Variants in OSBPL10 observed in about 807,000 individuals in gnomAD.
The protein encoded by OSBPL10 is oxysterol-binding protein-related protein 10.
Under a neutral mutation model 81.7 loss-of-function variants are expected in OSBPL10, and 49 were observed. The observed-to-expected ratio is 0.60, with a 90% CI of 0.48 to 0.76. The LOEUF is 0.76. Ranked by LOEUF, OSBPL10 falls within the 30% of genes least tolerant of loss-of-function variation. The pLI, the probability that OSBPL10 is intolerant of heterozygous loss-of-function variation, is 0.00. For missense variants in OSBPL10, 923 were observed against 987.8 expected (o/e 0.93, Z 0.88); for synonymous variants, 419 against 383.6 (o/e 1.09, Z -1.08).
intron 6 of OSBPL10, among the ~76,000 whole-genome samples, chr3:31,728,297 G>A (rs559631213): frequency 7.9e-5 from 12 of 152,252 alleles, no homozygotes; most frequent in Admixed American, 2.0e-4. Context: ...GTCAACACAG[G>A]GGTTGATAGG....
intron 2 of OSBPL10, among the ~76,000 whole-genome samples, chr3:32,042,660 T>G (rs888968627): frequency 6.6e-6 from 1 of 151,908 alleles, no homozygotes. Context: ...TACAGCTGGG[T>G]CACCGGGGGT....
At chr3:31,767,342 C>G (rs1027061348) in intron 4 of OSBPL10, among the ~76,000 whole-genome samples, 14 of 152,182 alleles carry the variant, frequency 9.2e-5, no homozygotes, top group African/African-American at 1.9e-4. Flanking sequence ...TTGGAAAGTA[C>G]AGGATCTAAA....
chr3:32,010,442 T>C (rs192801544), intron 2 of OSBPL10, among the ~76,000 whole-genome samples: 1 of 152,132 alleles, frequency 6.6e-6, no homozygotes, highest in Admixed American at 6.5e-5. Flanking sequence ...TTTCAAGGAA[T>C]AAAAGTTAAA....
intron 4 of OSBPL10, among the ~76,000 whole-genome samples, chr3:31,803,584 TA>T (rs544065197): frequency 8.2e-4 from 125 of 152,326 alleles, no homozygotes; most frequent in African/African-American, 2.6e-3. Context: ...ACATCTTACA[TA>T]AAAGTAGTTA....
chr3:31,723,539 TAC>T (rs35189802), intron 6 of OSBPL10, among the ~76,000 whole-genome samples: 665 of 124,158 alleles, frequency 5.4e-3, no homozygotes, highest in Middle Eastern at 8.0e-3. Context: ...CTCTGTTTCT[TAC>T]ACACACACAC....
At chr3:31,698,939 G>GT (rs1456007964) in intron 7 of OSBPL10, among the ~76,000 whole-genome samples, 1 of 151,718 alleles carries the variant, frequency 6.6e-6, no homozygotes, top group Non-Finnish European at 1.5e-5. Context: ...TTTCTTGTCT[G>GT]TTTCCTTCCA....
chr3:31,677,719 G>A (rs903031596), intron 8 of OSBPL10, among the ~76,000 whole-genome samples: 4 of 152,138 alleles, frequency 2.6e-5, no homozygotes, highest in African/African-American at 9.7e-5. Context: ...GAGAAACAGA[G>A]GAGCTATGAT....
chr3:31,823,157 A>G (rs1471285454), intron 4 of OSBPL10, among the ~76,000 whole-genome samples: 1 of 152,220 alleles, frequency 6.6e-6, no homozygotes, highest in African/African-American at 2.4e-5. Context: ...ACATTAAATG[A>G]GTACCTGACA....
At chr3:31,879,091 CT>C (rs544093368) in intron 2 of OSBPL10, among the ~76,000 whole-genome samples, 1 of 151,922 alleles carries the variant, frequency 6.6e-6, no homozygotes, top group Non-Finnish European at 1.5e-5. Context: ...TATCCATTTT[CT>C]TTTTTTTCTT....
chr3:31,829,854 T>G (rs1037521490), intron 4 of OSBPL10, among the ~76,000 whole-genome samples, 186 bp downstream of exon 4: 2 of 152,204 alleles, frequency 1.3e-5, no homozygotes, highest in Non-Finnish European at 2.9e-5. Context: ...TCACTTAACC[T>G]AAGAAATAGG....
Position 31,990,873 on chromosome 3 carries a change from T to C in OSBPL10, n.298+55618A>G, listed in dbSNP as rs955468746. 7.0e-6 allele frequency: 11 copies of C among 1,576,850 alleles called. No individual in the cohort carries two copies. In the Admixed American group the frequency reaches 1.3e-4, roughly 19 times the overall value. ...GAGAGAAACATCACAAGTGTGATGA[T>C]TGTGGCAAAGCCTTTACTTCACATT... On this transcript the variant is annotated intron_variant and non_coding_transcript_variant, in intron 2 of 3. Coordinates refer to the OSBPL10 transcript ENST00000479173.
At chr3:31,955,158 G>A (rs1697971692) in intron 1 of OSBPL10, among the ~76,000 whole-genome samples, 1 of 152,066 alleles carries the variant, frequency 6.6e-6, no homozygotes, top group East Asian at 1.9e-4. Context: ...GAGCTGCTCA[G>A]ACAAAAGAAA....
chr3:31,666,560 ACTC>A (rs1700195094), intron 10 of OSBPL10, among the ~76,000 whole-genome samples: 1 of 151,832 alleles, frequency 6.6e-6, no homozygotes, highest in Admixed American at 6.6e-5. Flanking sequence ...CAGCCACTCC[ACTC>A]CTCAAGGCCG....
At position 31,980,956 on chromosome 3, in the gene OSBPL10, G is replaced by T; in HGVS notation, c.224C>A (p.Pro75Gln). The T allele has an allele frequency of 6.3e-7, 1 of 1,574,822 alleles. No individual in the cohort carries two copies. Among genetic ancestry groups the T allele is most frequent in the Non-Finnish European group, 8.6e-7 (1 of 1,164,704 alleles). Reference protein sequence around the residue: ...PSGGGGRRREPALEGVLSKYT... With the variant: ...PSGGGGRRREQALEGVLSKYT... ...TTTGCTGAGCACGCCCTCGAGCGCC[G>T]GCTCCCTCCTGCGGCCGCCTCCCCC... The change falls in exon 1 of 12, where the codon CCG becomes CAG. Residue 75 changes from proline (P) to glutamine (Q), a missense_variant. Transcript: ENST00000396556.
intron 1 of OSBPL10, among the ~76,000 whole-genome samples, chr3:31,890,886 C>T (rs1351416119): frequency 1.3e-5 from 2 of 152,092 alleles, no homozygotes; most frequent in Non-Finnish European, 2.9e-5. Context: ...TCCTGATTCA[C>T]GTCTCTGCTT....
chr3:31,980,656 T>G (rs1698808751), intron 1 of OSBPL10, among the ~76,000 whole-genome samples: 1 of 151,998 alleles, frequency 6.6e-6, no homozygotes, highest in Non-Finnish European at 1.5e-5. Context: ...AAACCAGGGC[T>G]CTCGCCTCCC....
At chr3:31,765,335 C>T (rs1265760241) in intron 4 of OSBPL10, among the ~76,000 whole-genome samples, 1 of 152,080 alleles carries the variant, frequency 6.6e-6, no homozygotes, top group Non-Finnish European at 1.5e-5. Flanking sequence ...TGTGCCCAGC[C>T]TCTACTGATG....
chr3:31,879,577 C>T (rs541060581), intron 2 of OSBPL10, 78 bp downstream of exon 2: 8 of 1,461,394 alleles, frequency 5.5e-6, no homozygotes, highest in Non-Finnish European at 7.4e-6. Flanking sequence ...TTTAAAAAAA[C>T]AAAAAATCAA....
At chr3:31,961,627 G>A (rs530799763) in intron 1 of OSBPL10, among the ~76,000 whole-genome samples, 3 of 152,156 alleles carry the variant, frequency 2.0e-5, no homozygotes, top group African/African-American at 7.2e-5. Flanking sequence ...TAGAGACAGG[G>A]TCTCACTCTA....
Sources: allele counts gnomAD v4.1 joint callset (sites outside exome capture counted in the v4.1 genomes callset), GRCh38; gene constraint gnomAD v4.1.1; transcripts MANE v1.5; gene names NCBI Gene and HGNC (gene_info 2026-07-23, HGNC 2026-07-21).